NAALADL2: variants seen among roughly 807,000 people sequenced by gnomAD.
NAALADL2 encodes the protein inactive N-acetylated-alpha-linked acidic dipeptidase-like protein 2.
A neutral mutation model predicts 87.2 loss-of-function variants in NAALADL2; 76 were observed. The observed-to-expected ratio is 0.87, with a 90% confidence interval of 0.72 to 1.05. The LOEUF (loss-of-function observed/expected upper bound fraction) is 1.05, where lower values mean the gene tolerates loss of function less well. Ranked by LOEUF, NAALADL2 falls within the 50% of genes least tolerant of loss-of-function variation. The probability of loss-of-function intolerance (pLI) is 0.00; values close to 1 mark genes in which losing one functional copy is unlikely to be tolerated. For synonymous variants in NAALADL2, 354 were observed against 331.0 expected (o/e 1.07, Z -0.75); for missense variants, 1,089 against 945.8 (o/e 1.15, Z -1.99).
intron 3 of NAALADL2, among the ~76,000 whole-genome samples, chr3:174,788,307 G>A (rs1335981396): frequency 1.3e-5 from 2 of 152,098 alleles, no homozygotes; most frequent in Non-Finnish European, 2.9e-5. Flanking sequence ...GTACTGATAT[G>A]AGGAGAAGTC....
chr3:175,067,352 C>T (rs1213207915), intron 1 of NAALADL2, among the ~76,000 whole-genome samples: 2 of 151,982 alleles, frequency 1.3e-5, no homozygotes, highest in Non-Finnish European at 2.9e-5. Context: ...GCATCCAACC[C>T]AGGACTAATA....
At chr3:175,371,870 T>C (rs1211766069) in intron 5 of NAALADL2, among the ~76,000 whole-genome samples, 4 of 151,916 alleles carry the variant, frequency 2.6e-5, no homozygotes, top group African/African-American at 9.7e-5. Context: ...TCAAAATCTG[T>C]AATACCTGGA....
At chr3:174,982,476 CTAT>C (rs1331694042) in intron 1 of NAALADL2, among the ~76,000 whole-genome samples, 3 of 152,100 alleles carry the variant, frequency 2.0e-5, no homozygotes, top group Non-Finnish European at 4.4e-5. Context: ...ATGGAAACAA[CTAT>C]TATTCCATAA....
At chr3:174,759,574 T>A (rs1216456124) in intron 3 of NAALADL2, among the ~76,000 whole-genome samples, 1 of 152,212 alleles carries the variant, frequency 6.6e-6, no homozygotes, top group Non-Finnish European at 1.5e-5. Flanking sequence ...AGAGGTTCAT[T>A]GAAGATTAGT....
intron 10 of NAALADL2, among the ~76,000 whole-genome samples, chr3:175,620,486 C>T (rs1414353723): frequency 6.6e-6 from 1 of 152,158 alleles, no homozygotes; most frequent in Non-Finnish European, 1.5e-5. Flanking sequence ...GGTCTCGGCC[C>T]CCAGAAGTTT....
chr3:175,476,515 A>G (rs78143318), intron 9 of NAALADL2, among the ~76,000 whole-genome samples: 4 of 152,192 alleles, frequency 2.6e-5, no homozygotes, highest in African/African-American at 9.6e-5. Context: ...TGGACTCAGA[A>G]TCTTAAATTT....
intron 1 of NAALADL2, among the ~76,000 whole-genome samples, chr3:174,975,575 G>C (rs1744255773): frequency 1.3e-5 from 2 of 152,100 alleles, no homozygotes; most frequent in Non-Finnish European, 2.9e-5. Flanking sequence ...CCTTGAGTGT[G>C]GGCAGAACTT....
At chr3:174,517,805 A>G (rs768284632) in intron 1 of NAALADL2, among the ~76,000 whole-genome samples, 2 of 152,114 alleles carry the variant, frequency 1.3e-5, no homozygotes, top group African/African-American at 4.8e-5. Flanking sequence ...AATCTCTAGT[A>G]TATTGTGTTT....
intron 5 of NAALADL2, among the ~76,000 whole-genome samples, chr3:175,370,043 G>A (rs928320284): frequency 6.6e-6 from 1 of 152,144 alleles, no homozygotes; most frequent in Non-Finnish European, 1.5e-5. Context: ...CATGTCATCT[G>A]AGAGCTGCTT....
chr3:174,752,080 C>T (rs1734888755), intron 3 of NAALADL2, among the ~76,000 whole-genome samples: 1 of 152,068 alleles, frequency 6.6e-6, no homozygotes, highest in Non-Finnish European at 1.5e-5. Flanking sequence ...CGGGTTCACG[C>T]CATTCTCCTG....
chr3:174,651,334 A>G lies in NAALADL2; in HGVS notation c.-114-86307A>G, dbSNP rs144736742. Among the ~76,000 whole-genome samples, 932 of 152,286 alleles carry G rather than the reference A, an allele frequency of 6.1e-3. 5 individuals are homozygous for G. The highest frequency in any genetic ancestry group is 1.0e-2 in the Non-Finnish European group (680 of 68,002). On this transcript the variant is annotated intron_variant, in intron 2 of 3. Transcript: ENST00000434257. ...ACAATTGAGGAGGACAACTCAGTTTATTATGTAGCGTATTTGAGGACCAAA... is the reference window on the plus strand; with the variant it reads ...ACAATTGAGGAGGACAACTCAGTTTGTTATGTAGCGTATTTGAGGACCAAA...
chr3:174,467,745 T>G (rs1254181971), intron 1 of NAALADL2, among the ~76,000 whole-genome samples: 1 of 152,110 alleles, frequency 6.6e-6, no homozygotes, highest in Non-Finnish European at 1.5e-5. Context: ...CTCTAAGATT[T>G]ATTCTTATGT....
intron 9 of NAALADL2, among the ~76,000 whole-genome samples, chr3:175,525,046 ATT>A (rs1360534709): frequency 1.3e-5 from 2 of 152,050 alleles, no homozygotes; most frequent in South Asian, 4.1e-4. Context: ...AACAATCTCT[ATT>A]TTTTTATTTA....
intron 10 of NAALADL2, among the ~76,000 whole-genome samples, chr3:175,600,561 G>A (rs1323322171): frequency 1.3e-4 from 8 of 63,856 alleles, no homozygotes; most frequent in African/African-American, 4.1e-4. Flanking sequence ...TTTTTGAGAC[G>A]GAGTCTCGCT....
intron 2 of NAALADL2, among the ~76,000 whole-genome samples, chr3:175,179,115 A>G (rs753569906): frequency 1.4e-4 from 21 of 152,164 alleles, no homozygotes; most frequent in Non-Finnish European, 2.9e-4. Flanking sequence ...TCTATGATCC[A>G]CGAGAAGTTA....
At chr3:175,542,436 C>T (rs1712518158) in intron 9 of NAALADL2, among the ~76,000 whole-genome samples, 1 of 152,206 alleles carries the variant, frequency 6.6e-6, no homozygotes. Context: ...TGTGCATATT[C>T]AAGTCCTGCA....
intron 3 of NAALADL2, among the ~76,000 whole-genome samples, chr3:174,827,159 A>G (rs976386835): frequency 6.6e-5 from 10 of 152,170 alleles, no homozygotes; most frequent in Non-Finnish European, 1.5e-5. Context: ...CTAATAGAAT[A>G]GTCTTGCAGT....
intron 1 of NAALADL2, among the ~76,000 whole-genome samples, chr3:174,927,326 A>G (rs1482205972): frequency 6.6e-6 from 1 of 152,214 alleles, no homozygotes; most frequent in African/African-American, 2.4e-5. Flanking sequence ...AAGGATATCC[A>G]GAAATTGAAC....
intron 9 of NAALADL2, among the ~76,000 whole-genome samples, chr3:175,561,798 T>A (rs77859894): frequency 0.021 from 3,148 of 152,278 alleles, 128 homozygotes; most frequent in African/African-American, 0.072. Flanking sequence ...AACATATGAC[T>A]TTTAGGAGGG....
Sources: gnomAD v4.1 joint callset for allele counts (sites outside exome capture counted in the v4.1 genomes callset) on GRCh38, gnomAD v4.1.1 for gene constraint, MANE v1.5 for transcripts, NCBI Gene and HGNC (gene_info 2026-07-23, HGNC 2026-07-21) for gene names.